TRAF1: variants seen among roughly 807,000 people sequenced by gnomAD.
TRAF1 encodes the protein TNF receptor associated factor 1.
A neutral mutation model predicts 40.9 loss-of-function variants in TRAF1; 23 were observed. The ratio of observed to expected loss-of-function variants is 0.56; its 90% CI spans 0.40 to 0.80. TRAF1 has a LOEUF of 0.80. TRAF1 is among the 30% of genes least tolerant of loss of function. The pLI, the probability that TRAF1 is intolerant of heterozygous loss-of-function variation, is 0.00. For synonymous variants in TRAF1, 206 were observed against 218.8 expected (o/e 0.94, Z 0.52); for missense variants, 477 against 528.7 (o/e 0.90, Z 0.96).
chr9:120,914,370 C>T (rs992777751), intron 3 of TRAF1, 70 bp from the exon 4 acceptor site: 4 of 1,322,814 alleles, frequency 3.0e-6, no homozygotes, highest in Non-Finnish European at 3.9e-6. Context: ...CTCTTCAATG[C>T]ACCAGGATCC....
chr9:120,911,479 T>G lies in TRAF1; in HGVS notation c.740A>C (p.Asp247Ala). Reference protein sequence around the residue: ...VELQQTLAQKDQALGKLEQSL... With the variant: ...VELQQTLAQKAQALGKLEQSL... ...CTGCTCCAGCTTGCCCAGGGCCTGG[T>G]CTTTCTGGGCCAGGGTCTGCTGAAG... The change falls in exon 6 of 8, where the codon GAC (aspartate) becomes GCC (alanine). Residue 247 changes from aspartate (D) to alanine (A), a missense_variant. Asp to Ala is a moderately radical substitution (Grantham distance 126). Transcript: ENST00000373887. The G allele has an allele frequency of 6.2e-7, 1 of 1,613,110 alleles. No individual in the cohort carries two copies. The highest frequency in any genetic ancestry group is 8.5e-7 in the Non-Finnish European group (1 of 1,179,886).
At chr9:120,923,602 T>G (rs982300469) in intron 3 of TRAF1, 103 bp downstream of exon 3, 1 of 1,034,554 alleles carries the variant, frequency 9.7e-7, no homozygotes, top group African/African-American at 1.6e-5. Flanking sequence ...CAGGACTAGT[T>G]GGGAGGTGCC....
chr9:120,926,857 T>C (rs1273305615), upstream of TRAF1: 2 of 152,182 alleles, frequency 1.3e-5, no homozygotes, highest in African/African-American at 2.4e-5. Flanking sequence ...CAGGAAGTCA[T>C]AGGTGGCTAC....
chr9:120,909,280 T>G lies in TRAF1; in HGVS notation c.982A>C (p.Ile328Leu), dbSNP rs754581552. The change falls in exon 7 of 8, where the codon ATC becomes CTC. Residue 328 changes from isoleucine to leucine, a missense_variant. Physicochemically the swap from Ile to Leu is conservative, Grantham distance 5. Transcript: ENST00000373887. Reference protein sequence around the residue: ...KRTHLSLFIVIMRGEYDALLP... With the variant: ...KRTHLSLFIVLMRGEYDALLP... ...AGCGCATCATACTCCCCTCTCATGA[T>G]CACGATGAAGAGCGACAGATGGGTT... 1 of 1,614,134 alleles carries G rather than the reference T, an allele frequency of 6.2e-7. No individual in the cohort carries two copies. The highest frequency in any genetic ancestry group is 1.1e-5 in the South Asian group (1 of 91,088).
chr9:120,915,847 A>G (rs928612943), intron 3 of TRAF1, among the ~76,000 whole-genome samples: 3 of 152,140 alleles, frequency 2.0e-5, no homozygotes, highest in African/African-American at 7.2e-5. Context: ...TAAAAAAAAT[A>G]AATGAATAAT....
chr9:120,909,634 G>T (rs1481564640), intron 6 of TRAF1, among the ~76,000 whole-genome samples: 2 of 152,214 alleles, frequency 1.3e-5, no homozygotes, highest in African/African-American at 4.8e-5. Flanking sequence ...AGTGACCCTG[G>T]GGTGAGAACT....
chr9:120,923,934 C>T (rs1014589525), intron 2 of TRAF1, 142 bp from the exon 3 acceptor site: 64 of 794,876 alleles, frequency 8.1e-5, no homozygotes, highest in South Asian at 3.4e-4. Context: ...GTTCCTAAAT[C>T]GCAAAACTGC....
chr9:120,919,540 T>C (rs1189608515), intron 3 of TRAF1, among the ~76,000 whole-genome samples: 1 of 152,202 alleles, frequency 6.6e-6, no homozygotes, highest in East Asian at 1.9e-4. Context: ...ACCCCCACAC[T>C]GGGCTGAGGT....
intron 3 of TRAF1, among the ~76,000 whole-genome samples, chr9:120,915,307 C>T (rs1288251836): frequency 6.6e-6 from 1 of 152,148 alleles, no homozygotes; most frequent in South Asian, 2.1e-4. Context: ...AGCACGTGAC[C>T]ATACTGAATA....
At chr9:120,918,563 A>G (rs1384569231) in intron 3 of TRAF1, among the ~76,000 whole-genome samples, 1 of 152,100 alleles carries the variant, frequency 6.6e-6, no homozygotes, top group Non-Finnish European at 1.5e-5. Context: ...TAATCCTCAC[A>G]TCACAAACTC....
chr9:120,909,574 G>A (rs1163046015), intron 6 of TRAF1, among the ~76,000 whole-genome samples, 196 bp from the exon 7 acceptor site: 1 of 152,194 alleles, frequency 6.6e-6, no homozygotes, highest in Non-Finnish European at 1.5e-5. Context: ...TTTGTCAGCT[G>A]GCCATCCAAG....
At position 120,913,598 on chromosome 9, in the gene TRAF1, C is replaced by T. The variant is rs756885314; in HGVS notation, c.435G>A (p.Leu145=). The T allele has an allele frequency of 1.9e-6, 3 of 1,613,968 alleles. No individual in the cohort carries two copies. The highest frequency in any genetic ancestry group is 2.2e-5 in the South Asian group (2 of 91,074). Reference sequence around the variant, plus strand: ...CGGCTGCCTGCAGCTGCAGGTCTGACAGGTTCTGCTCCAGGGCCATGGGCC... The same window carrying T: ...CGGCTGCCTGCAGCTGCAGGTCTGATAGGTTCTGCTCCAGGGCCATGGGCC... ...ESGPMALEQN[L]SDLQLQAAVE... Residue 145 remains leucine, a synonymous_variant, in exon 5 of 8, where the codon CTG becomes CTA. Coordinates refer to ENST00000373887, the MANE Select transcript of TRAF1 (RefSeq NM_005658.5).
chr9:120,906,403 T>G (rs2046483063), intron 7 of TRAF1, among the ~76,000 whole-genome samples: 2 of 152,162 alleles, frequency 1.3e-5, no homozygotes, highest in East Asian at 1.9e-4. Context: ...GATCTTGAAC[T>G]GCTGACCTCA....
chr9:120,922,470 G>T (rs552972731), intron 3 of TRAF1, among the ~76,000 whole-genome samples: 2 of 152,218 alleles, frequency 1.3e-5, no homozygotes, highest in East Asian at 3.9e-4. Flanking sequence ...TTATCATTTT[G>T]TCATGAGCTG....
At position 120,926,310 on chromosome 9, in the gene TRAF1, GT is replaced by G. The variant is rs1274779360; in HGVS notation, c.-226-10del. 1 of 391,044 alleles carries G rather than the reference GT, an allele frequency of 2.6e-6. No individual in the cohort carries two copies. The highest frequency in any genetic ancestry group is 4.5e-6 in the Non-Finnish European group (1 of 223,632). 24.2% of individuals were successfully genotyped at this position (391,044 alleles called of 1,614,324 possible). On this transcript the variant is annotated splice_polypyrimidine_tract_variant and intron_variant, in intron 1 of 7. Transcript: ENST00000373887. ...TGGATGGTGACTGAAGGCTTTAGGA[GT>G]GTCCAGTCATTTTTTTTTTTTTTTA... is the stretch of plus-strand genomic sequence containing the variant.
At chr9:120,908,197 C>T (rs1372531206) in intron 7 of TRAF1, among the ~76,000 whole-genome samples, 1 of 152,122 alleles carries the variant, frequency 6.6e-6, no homozygotes, top group African/African-American at 2.4e-5. Flanking sequence ...AGGTCAACAG[C>T]ACCAGAAAAT....
chr9:120,909,828 C>T (rs2046512546), intron 6 of TRAF1, among the ~76,000 whole-genome samples: 1 of 152,210 alleles, frequency 6.6e-6, no homozygotes, highest in Non-Finnish European at 1.5e-5. Flanking sequence ...AGGGGCCAGG[C>T]TTCCTGCCTC....
chr9:120,905,208 G>T lies in TRAF1; in HGVS notation c.1063C>A (p.Arg355Ser). The change falls in exon 8 of 8, where the codon CGT becomes AGT. Residue 355 changes from arginine to serine, a missense_variant. Transcript: ENST00000373887. The part of the protein sequence containing the change: ...VTFMLLDQNN[R>S]EHAIDAFRPD... ...CGGAAGGCGTCAATGGCGTGCTCAC[G>T]GTTGTTCTGGTCCAGCAGCATGAAG... 3 of 1,613,014 alleles carry T rather than the reference G, an allele frequency of 1.9e-6. No individual in the cohort carries two copies. Among genetic ancestry groups the T allele is most frequent in the Non-Finnish European group, 2.5e-6 (3 of 1,179,460 alleles).
chr9:120,929,073 G>C (rs1333387150), upstream of TRAF1: 1 of 152,278 alleles, frequency 6.6e-6, no homozygotes, highest in Non-Finnish European at 1.5e-5. The surrounding 1 kb of genome is among the most constrained non-coding windows in gnomAD (Gnocchi z 4.5). Context: ...GGGCCGGGGA[G>C]CCGCCCTGCG....
Sources: gnomAD v4.1 joint callset for allele counts (sites outside exome capture counted in the v4.1 genomes callset) on GRCh38, gnomAD v4.1.1 for gene constraint, Gnocchi (gnomAD v3.1) non-coding constraint, MANE v1.5 for transcripts, NCBI Gene and HGNC (gene_info 2026-07-23, HGNC 2026-07-21) for gene names.